SMARCAL1: variants seen among roughly 807,000 people sequenced by gnomAD.
SMARCAL1 encodes the protein SNF2 related chromatin remodeling annealing helicase 1.
SMARCAL1 carries 58 observed loss-of-function variants against 94.5 expected under a neutral mutation model. The ratio of observed to expected loss-of-function variants is 0.61; its 90% CI spans 0.50 to 0.76. The LOEUF (loss-of-function observed/expected upper bound fraction) is 0.76, where lower values mean the gene tolerates loss of function less well. SMARCAL1 is among the 30% of genes least tolerant of loss of function. The pLI is 0.00. For synonymous variants in SMARCAL1, 422 were observed against 455.1 expected, an observed-to-expected ratio of 0.93 and a Z score of 0.93; for missense variants, 1,051 against 1,177.9, an observed-to-expected ratio of 0.89 and a Z score of 1.58.
intron 11 of SMARCAL1, 143 bp downstream of exon 11, chr2:216,447,301 A>G (rs1264324742): frequency 1.4e-5 from 15 of 1,058,546 alleles, no homozygotes; most frequent in Admixed American, 1.7e-5. Flanking sequence ...GTTTCTTACT[A>G]TGGCCTTGGA....
chr2:216,427,216 T>A (rs1045519911), intron 6 of SMARCAL1: 1 of 152,240 alleles, frequency 6.6e-6, no homozygotes, highest in African/African-American at 2.4e-5. Context: ...GTCTGTCATC[T>A]CCTAGTACCA....
chr2:216,418,012 C>A (rs1299565286), intron 4 of SMARCAL1, among the ~76,000 whole-genome samples: 1 of 152,076 alleles, frequency 6.6e-6, no homozygotes, highest in Non-Finnish European at 1.5e-5. Context: ...CCTCTGGCTT[C>A]CGGGTTCAAG....
chr2:216,414,410 G>C (rs1693537670), intron 2 of SMARCAL1: 2 of 368,934 alleles, frequency 5.4e-6, no homozygotes, highest in Non-Finnish European at 1.0e-5. Flanking sequence ...ACCTGCCTCA[G>C]CTTCCCAAAG....
At chr2:216,441,714 A>G (rs1158540200) in intron 10 of SMARCAL1, among the ~76,000 whole-genome samples, 2 of 152,124 alleles carry the variant, frequency 1.3e-5, no homozygotes, top group Non-Finnish European at 2.9e-5. Flanking sequence ...TTTTCATTTG[A>G]CCTTTTTAGG....
chr2:216,454,538 T>A (rs1387095025), intron 12 of SMARCAL1, among the ~76,000 whole-genome samples: 1 of 152,182 alleles, frequency 6.6e-6, no homozygotes, highest in Non-Finnish European at 1.5e-5. Context: ...TCATTTGACT[T>A]TTTTTGCCTC....
intron 11 of SMARCAL1, among the ~76,000 whole-genome samples, chr2:216,448,279 C>T (rs1330255521): frequency 6.6e-6 from 1 of 152,154 alleles, no homozygotes; most frequent in Non-Finnish European, 1.5e-5. Flanking sequence ...TTTTCATGGT[C>T]CCTCAAAACT....
chr2:216,474,128 C>CT (rs1182416023), intron 14 of SMARCAL1, among the ~76,000 whole-genome samples: 1,224 of 64,958 alleles, frequency 0.019, 234 homozygotes, highest in East Asian at 0.04. Flanking sequence ...GTATAGCATT[C>CT]TTTTTTTTTT....
In SMARCAL1 at chr2:216,482,101, A is replaced by G. The variant is rs144440432; in HGVS notation, c.2626-637A>G. Among the ~76,000 whole-genome samples, 1 of 152,270 alleles carries G rather than the reference A, an allele frequency of 6.6e-6. No individual in the cohort carries two copies. Among genetic ancestry groups the G allele is most frequent in the Non-Finnish European group, 1.5e-5 (1 of 68,032 alleles). ...ACTTATGAATATGTTAAATGTGTGT[A>G]TGTTTTTTCAACTACTTTGAAAATT... is the stretch of plus-strand genomic sequence containing the variant. On this transcript the variant is annotated intron_variant, in intron 17 of 17. Coordinates refer to ENST00000357276, the MANE Select transcript of SMARCAL1 (RefSeq NM_014140.4). This position sits in a 1 kb window ranked among gnomAD's most constrained non-coding sequence, Gnocchi z 4.3.
intron 12 of SMARCAL1, among the ~76,000 whole-genome samples, chr2:216,458,543 A>G (rs568073704): frequency 1.8e-4 from 27 of 152,340 alleles, no homozygotes; most frequent in African/African-American, 6.5e-4. Flanking sequence ...CAAATCAATA[A>G]ACATAATCCA....
chr2:216,436,408 C>T (rs184771015), intron 9 of SMARCAL1, among the ~76,000 whole-genome samples: 36 of 152,334 alleles, frequency 2.4e-4, no homozygotes, highest in African/African-American at 8.7e-4. Flanking sequence ...CCAGCCATCT[C>T]TGTCAGTACT....
At chr2:216,470,346 G>C (rs537510802) in intron 14 of SMARCAL1, among the ~76,000 whole-genome samples, 2 of 151,878 alleles carry the variant, frequency 1.3e-5, no homozygotes, top group African/African-American at 4.8e-5. Context: ...GTAGAGACGG[G>C]GTTCCACCAT....
intron 7 of SMARCAL1, 39 bp downstream of exon 7, chr2:216,428,821 A>G: frequency 6.4e-7 from 1 of 1,555,734 alleles, no homozygotes; most frequent in Non-Finnish European, 8.9e-7. Context: ...TCTGTTGCTC[A>G]AATTTCATTA....
At position 216,432,796 on chromosome 2, in the gene SMARCAL1, C is replaced by G. The variant is rs149599324; in HGVS notation, c.1413C>G (p.Ile471Met). ...GLGKTIQAIC[I>M]AAFYRKEWPL... ...GGAAGACCATCCAAGCCATCTGCAT[C>G]GCAGCCTTTTACCGGAAGGAGTGGC... The change falls in exon 8 of 18, where the codon ATC (isoleucine) becomes ATG (methionine). Residue 471 changes from isoleucine (I) to methionine (M), a missense_variant. Physicochemically the swap from Ile to Met is conservative, Grantham distance 10 (BLOSUM62 1). Coordinates refer to ENST00000357276, the MANE Select transcript of SMARCAL1 (RefSeq NM_014140.4). The G allele has an allele frequency of 6.2e-7, 1 of 1,614,206 alleles. No homozygotes were observed. The highest frequency in any genetic ancestry group is 2.2e-5 in the East Asian group (1 of 44,888).
rs1432589831 is a variant in SMARCAL1, at chr2:216,415,124, T to C, written c.420T>C (p.Ser140=). Residue 140 remains serine (S), a synonymous_variant, in exon 3 of 18, where the codon AGT becomes AGC. Coordinates refer to ENST00000357276, the MANE Select transcript of SMARCAL1 (RefSeq NM_014140.4). ...AGGTCCCTAAACAACAGCTCTTGAG[T>C]TATGAGTTAGGTCAAGGTCATGCTC... ...PPEVPKQQLL[S]YELGQGHAQA... 1.2e-6 allele frequency: 2 copies of C among 1,613,100 alleles called. No homozygotes were observed. The highest frequency in any genetic ancestry group is 1.3e-5 in the African/African-American group (1 of 74,776).
At chr2:216,432,103 C>T (rs140944216) in intron 7 of SMARCAL1, among the ~76,000 whole-genome samples, 2,305 of 150,514 alleles carry the variant, frequency 0.015, 59 homozygotes, top group African/African-American at 0.053. Flanking sequence ...TTCATTGCAA[C>T]CTCTGCCTCC....
intron 17 of SMARCAL1, among the ~76,000 whole-genome samples, chr2:216,480,221 A>G (rs1445019905): frequency 1.3e-5 from 2 of 152,208 alleles, no homozygotes; most frequent in African/African-American, 2.4e-5. Flanking sequence ...ATATCAATTT[A>G]TTTTTTAATT....
At chr2:216,446,890 T>C (rs1694326828) in intron 10 of SMARCAL1, 128 bp from the exon 11 acceptor site, 2 of 1,022,608 alleles carry the variant, frequency 2.0e-6, no homozygotes, top group Non-Finnish European at 3.0e-6. Context: ...GGCAATGCCA[T>C]TAGGTTCTCG....
At chr2:216,473,662 G>GAT (rs1330211726) in intron 14 of SMARCAL1, among the ~76,000 whole-genome samples, 1 of 151,962 alleles carries the variant, frequency 6.6e-6, no homozygotes, top group Non-Finnish European at 1.5e-5. Flanking sequence ...TTATTTAAAA[G>GAT]ATATATATAC....
At chr2:216,453,194 C>T (rs889691579) in intron 12 of SMARCAL1, among the ~76,000 whole-genome samples, 5 of 152,214 alleles carry the variant, frequency 3.3e-5, no homozygotes, top group South Asian at 4.2e-4. Context: ...AGAAAGAGCC[C>T]GGAGCTCTTC....
Sources: gnomAD v4.1 joint callset for allele counts (sites outside exome capture counted in the v4.1 genomes callset) on GRCh38, gnomAD v4.1.1 for gene constraint, Gnocchi (gnomAD v3.1) non-coding constraint, MANE v1.5 for transcripts, NCBI Gene and HGNC (gene_info 2026-07-23, HGNC 2026-07-21) for gene names.